KANSL1: variants seen among roughly 807,000 people sequenced by gnomAD.
KANSL1 encodes KAT8 regulatory NSL complex subunit 1, also known as MLL1/MLL complex subunit KANSL1.
Under a neutral mutation model 103.6 loss-of-function variants are expected in KANSL1, and 22 were observed. The observed-to-expected ratio is 0.21, with a 90% CI of 0.15 to 0.30. The LOEUF (loss-of-function observed/expected upper bound fraction) is 0.30, where lower values mean the gene tolerates loss of function less well. Ranked by LOEUF, KANSL1 falls within the 10% of genes least tolerant of loss-of-function variation. The probability of loss-of-function intolerance (pLI) is 1.00; values close to 1 mark genes in which losing one functional copy is unlikely to be tolerated. For synonymous variants in KANSL1, 600 were observed against 527.6 expected (o/e 1.14, Z -1.88); for missense variants, 1,337 against 1,399.8 (o/e 0.96, Z 0.72).
Position 46,031,561 on chromosome 17 carries a change from G to A in KANSL1, c.3233C>T (p.Ala1078Val), listed in dbSNP as rs772870153. 6 of 1,614,082 alleles carry A rather than the reference G, an allele frequency of 3.7e-6. No individual in the cohort carries two copies. The South Asian group carries it at 5.5e-5, about 15-fold the overall frequency. ...SGSKTGRETE[A>V]APTSPPIVPL... ...GACAATGGGAGGCGAGGTGGGCGCT[G>A]CCTCTGTCTCCCGGCCAGTCTTGCT... Residue 1078 changes from alanine to valine, a missense_variant, in exon 15 of 15, where the codon GCA becomes GTA. By Grantham distance (64) the Ala-to-Val change is moderately conservative. Coordinates refer to ENST00000432791, the MANE Select transcript of KANSL1 (RefSeq NM_015443.4).
At chr17:46,075,902 GA>G in intron 4 of KANSL1, among the ~76,000 whole-genome samples, 1 of 152,196 alleles carries the variant, frequency 6.6e-6, no homozygotes, top group East Asian at 1.9e-4. Context: ...ATAAGACTCA[GA>G]AAAAAGTCCA....
intron 7 of KANSL1, chr17:46,040,952 G>A (rs1292272170): frequency 6.6e-6 from 1 of 152,230 alleles, no homozygotes; most frequent in Non-Finnish European, 1.5e-5. Context: ...TTCAGAAGAA[G>A]ACAGGAAGAT....
chr17:46,181,912 A>G (rs1453607115), intron 1 of KANSL1, among the ~76,000 whole-genome samples: 2 of 151,836 alleles, frequency 1.3e-5, no homozygotes, highest in African/African-American at 4.8e-5. Context: ...AAACTTACTA[A>G]TTTTTCAATA....
At chr17:46,188,112 C>A (rs1466193117) in intron 1 of KANSL1, among the ~76,000 whole-genome samples, 1 of 152,224 alleles carries the variant, frequency 6.6e-6, no homozygotes, top group East Asian at 1.9e-4. Flanking sequence ...TTACCCCCTG[C>A]CATACTAGTC....
intron 1 of KANSL1, among the ~76,000 whole-genome samples, chr17:46,219,250 T>TTTAAAA (rs71262051): frequency 1.5e-5 from 2 of 135,286 alleles, no homozygotes; most frequent in Non-Finnish European, 3.1e-5. Flanking sequence ...TCTTGTCTCA[T>TTTAAAA]AAAAAAAAAA....
chr17:46,123,453 A>C (rs2043375185), intron 2 of KANSL1, among the ~76,000 whole-genome samples: 1 of 152,244 alleles, frequency 6.6e-6, no homozygotes. Flanking sequence ...GAAAGCCAAC[A>C]TAGGCTGAAA....
intron 6 of KANSL1, among the ~76,000 whole-genome samples, chr17:46,062,114 C>CAAAAAAA (rs1192815524): frequency 5.9e-4 from 22 of 37,122 alleles, no homozygotes; most frequent in Non-Finnish European, 7.5e-4. Context: ...AAAAAACAAA[C>CAAAAAAA]AAACAAAAAA....
chr17:46,130,187 CAAAAAAAA>C lies in KANSL1; in HGVS notation c.1290-35494_1290-35487del, dbSNP rs35017603. On this transcript the variant is annotated intron_variant, in intron 2 of 14. Transcript: ENST00000432791. The stretch of plus-strand genomic sequence containing the variant: ...GGGCAAAAGAATGAGATCCTGTCTC[CAAAAAAAA>C]AAAAAAAAAAAAAGGAATCAACTAG... Among the ~76,000 whole-genome samples, 184 of 75,468 alleles carry C rather than the reference CAAAAAAAA, an allele frequency of 2.4e-3. 3 individuals are homozygous for C. Among genetic ancestry groups the C allele is most frequent in the Non-Finnish European group, 4.2e-3 (154 of 36,980 alleles). The allele number at this position is 75,468 out of a possible 152,430, so 49.5% of individuals were successfully genotyped here. A position where few individuals can be genotyped will look rare whatever the true frequency, so the allele number is the denominator to read the frequency against.
At chr17:46,137,895 A>G (rs1444032976) in intron 2 of KANSL1, among the ~76,000 whole-genome samples, 4 of 152,048 alleles carry the variant, frequency 2.6e-5, no homozygotes, top group East Asian at 3.9e-4. Flanking sequence ...AAATTGTTTC[A>G]TAAGAATGAC....
intron 2 of KANSL1, among the ~76,000 whole-genome samples, chr17:46,146,599 C>T (rs368371871): frequency 1.8e-5 from 2 of 112,420 alleles, no homozygotes; most frequent in Non-Finnish European, 4.8e-5. Context: ...TTTGGGAGGC[C>T]GAAGCCGGCG....
chr17:46,090,964 C>A (rs1334716755), intron 3 of KANSL1, among the ~76,000 whole-genome samples: 1 of 152,200 alleles, frequency 6.6e-6, no homozygotes, highest in Non-Finnish European at 1.5e-5. Context: ...ATTTACTATA[C>A]TATACTTTTA....
intron 2 of KANSL1, among the ~76,000 whole-genome samples, chr17:46,127,449 C>G (rs905388126): frequency 2.0e-5 from 3 of 152,182 alleles, no homozygotes; most frequent in African/African-American, 7.2e-5. Context: ...TACCAGATCC[C>G]GCTCCGGCAA....
intron 2 of KANSL1, among the ~76,000 whole-genome samples, chr17:46,105,330 C>T (rs1032538774): frequency 1.3e-5 from 2 of 152,128 alleles, no homozygotes; most frequent in African/African-American, 4.8e-5. Context: ...AAAGAGATTG[C>T]TTGAGGCCGA....
intron 3 of KANSL1, among the ~76,000 whole-genome samples, chr17:46,088,008 A>C (rs1451605604): frequency 1.3e-5 from 2 of 152,214 alleles, no homozygotes; most frequent in Non-Finnish European, 2.9e-5. Context: ...TGTACTATGA[A>C]ATAGCAACCG....
At chr17:46,094,734 G>A in intron 2 of KANSL1, 33 bp from the exon 3 acceptor site, 2 of 1,613,410 alleles carry the variant, frequency 1.2e-6, no homozygotes, top group Non-Finnish European at 1.7e-6. Context: ...AAATCCAAGA[G>A]TAGCAGTAAT....
intron 2 of KANSL1, among the ~76,000 whole-genome samples, chr17:46,142,041 A>G (rs2044447789): frequency 6.6e-6 from 1 of 152,208 alleles, no homozygotes; most frequent in South Asian, 2.1e-4. Flanking sequence ...GGTGTGTGCC[A>G]TCACACCTGG....
chr17:46,210,615 A>G (rs2148020500), intron 1 of KANSL1, among the ~76,000 whole-genome samples: 1 of 152,226 alleles, frequency 6.6e-6, no homozygotes, highest in African/African-American at 2.4e-5. Flanking sequence ...TAAAAACAGA[A>G]GATTGAAAAT....
At chr17:46,218,978 A>G (rs1164973378) in intron 1 of KANSL1, among the ~76,000 whole-genome samples, 1 of 151,952 alleles carries the variant, frequency 6.6e-6, no homozygotes, top group Non-Finnish European at 1.5e-5. Context: ...TGCTGAGATT[A>G]GGCCGGGCAC....
At chr17:46,110,720 C>T (rs1340238048) in intron 2 of KANSL1, among the ~76,000 whole-genome samples, 1 of 151,764 alleles carries the variant, frequency 6.6e-6, no homozygotes, top group Admixed American at 6.6e-5. Context: ...TTTAGAAATA[C>T]TAATGGAAAA....
Sources: gnomAD v4.1 joint callset for allele counts (sites outside exome capture counted in the v4.1 genomes callset) on GRCh38, gnomAD v4.1.1 for gene constraint, MANE v1.5 for transcripts, NCBI Gene and HGNC (gene_info 2026-07-23, HGNC 2026-07-21) for gene names.